Variants in AIM2 observed in about 807,000 individuals in gnomAD.
The protein encoded by AIM2 is interferon-inducible protein AIM2.
Under a neutral mutation model 27.7 loss-of-function variants are expected in AIM2, and 30 were observed. The ratio of observed to expected loss-of-function variants is 1.08; its 90% confidence interval spans 0.81 to 1.47. The LOEUF (loss-of-function observed/expected upper bound fraction) is 1.47. Ranked by LOEUF, AIM2 falls within the 40% of genes most tolerant of loss-of-function variation. The pLI is 0.00. For synonymous variants in AIM2, 141 were observed against 145.3 expected (o/e 0.97, Z 0.21); for missense variants, 358 against 411.3 (o/e 0.87, Z 1.12).
chr1:159,059,201 T>C (rs1234449452), downstream of AIM2, among the ~76,000 whole-genome samples: 1 of 152,326 alleles, frequency 6.6e-6, no homozygotes, highest in African/African-American at 2.4e-5. Context: ...ATAGTAGGCT[T>C]AGATGCCAAT....
chr1:159,085,583 C>A (rs911470771), intron 1 of AIM2, among the ~76,000 whole-genome samples: 2 of 152,228 alleles, frequency 1.3e-5, no homozygotes, highest in South Asian at 2.1e-4. Context: ...GGAGCTTAGA[C>A]GAAAGGTCAG....
chr1:159,060,817 A>G (rs909043052), downstream of AIM2, among the ~76,000 whole-genome samples: 1 of 152,220 alleles, frequency 6.6e-6, no homozygotes, highest in Non-Finnish European at 1.5e-5. Context: ...AGTTTTTTGC[A>G]CTTTTGCATA....
intron 1 of AIM2, among the ~76,000 whole-genome samples, chr1:159,086,379 A>T (rs963747713): frequency 2.0e-5 from 3 of 152,214 alleles, no homozygotes. Context: ...TGTTTGTGAC[A>T]TGAGGCTGCC....
chr1:159,083,441 T>A (rs1468950593), intron 1 of AIM2, among the ~76,000 whole-genome samples: 1 of 152,208 alleles, frequency 6.6e-6, no homozygotes, highest in Admixed American at 6.5e-5. Flanking sequence ...TGGTAAGGTA[T>A]GAGGCAGGGG....
chr1:159,120,225 G>A (rs1647496884), intron 1 of AIM2, among the ~76,000 whole-genome samples: 1 of 152,024 alleles, frequency 6.6e-6, no homozygotes, highest in African/African-American at 2.4e-5. Flanking sequence ...TTAAGTTTAC[G>A]ATTTCCTTGA....
chr1:159,129,107 C>G (rs1046796249), intron 1 of AIM2, among the ~76,000 whole-genome samples: 1 of 152,046 alleles, frequency 6.6e-6, no homozygotes, highest in African/African-American at 2.4e-5. Context: ...TTAGGGCGGG[C>G]CTGGAATCCA....
In AIM2 at chr1:159,068,599, C is replaced by A; in HGVS notation, c.365G>T (p.Arg122Leu). 3 of 1,613,734 alleles carry A rather than the reference C, an allele frequency of 1.9e-6. No homozygotes were observed. The highest frequency in any genetic ancestry group is 2.5e-6 in the Non-Finnish European group (3 of 1,179,820). Residue 122 changes from arginine (R) to leucine (L), a missense_variant, in exon 3 of 6, where the codon CGT becomes CTT. Transcript: ENST00000368130. ...AAIRNDVAKQ[R>L]AAPKVSPHVK... is the part of the protein sequence containing the mutation. Reference sequence around the variant, plus strand: ...ATGAGGAGAGACTTTTGGTGCAGCACGTTGCTTTGCGACATCATTTCTGAT... The same window carrying A: ...ATGAGGAGAGACTTTTGGTGCAGCAAGTTGCTTTGCGACATCATTTCTGAT...
intron 1 of AIM2, among the ~76,000 whole-genome samples, chr1:159,111,870 C>CTATT (rs1158846943): frequency 2.0e-5 from 3 of 149,536 alleles, no homozygotes; most frequent in Non-Finnish European, 4.4e-5. Flanking sequence ...ATCTATCTAT[C>CTATT]TATCTATCTA....
At chr1:159,107,336 G>A (rs549566952) in intron 1 of AIM2, among the ~76,000 whole-genome samples, 26 of 149,406 alleles carry the variant, frequency 1.7e-4, no homozygotes, top group East Asian at 5.8e-4. Flanking sequence ...GTGTGTGCGC[G>A]CACTATAGCA....
chr1:159,073,026 T>C (rs1450916100), intron 2 of AIM2, among the ~76,000 whole-genome samples: 2 of 152,172 alleles, frequency 1.3e-5, no homozygotes, highest in Non-Finnish European at 2.9e-5. Flanking sequence ...GAAGAAGAGA[T>C]GCAAACAAAG....
chr1:159,128,455 A>G (rs1174556407), intron 1 of AIM2, among the ~76,000 whole-genome samples: 1 of 152,204 alleles, frequency 6.6e-6, no homozygotes, highest in African/African-American at 2.4e-5. Flanking sequence ...AGTAATAAAT[A>G]TTCTGTACTT....
chr1:159,061,591 G>C (rs1402008749), downstream of AIM2, among the ~76,000 whole-genome samples: 1 of 129,158 alleles, frequency 7.7e-6, no homozygotes, highest in Non-Finnish European at 1.6e-5. Context: ...TTTTAGTAGA[G>C]ATGGGGTTTC....
At chr1:159,093,893 G>C (rs892682123) in intron 1 of AIM2, among the ~76,000 whole-genome samples, 8 of 115,812 alleles carry the variant, frequency 6.9e-5, no homozygotes, top group Admixed American at 2.3e-4. Context: ...CTACCACCAT[G>C]CCTGGATATT....
chr1:159,055,599 G>C, the AIM2 span, among the ~76,000 whole-genome samples: 1 of 152,160 alleles, frequency 6.6e-6, no homozygotes, highest in Non-Finnish European at 1.5e-5. Context: ...TGCTCTTCAC[G>C]CACTTTCAAA....
At chr1:159,113,179 C>T (rs1415104541) in intron 1 of AIM2, among the ~76,000 whole-genome samples, 1 of 152,128 alleles carries the variant, frequency 6.6e-6, no homozygotes, top group Non-Finnish European at 1.5e-5. Context: ...CTCTTTACCT[C>T]ATGATCCACC....
downstream of AIM2, among the ~76,000 whole-genome samples, chr1:159,059,855 T>C (rs772020885): frequency 7.2e-5 from 11 of 152,238 alleles, no homozygotes; most frequent in Non-Finnish European, 1.5e-4. Context: ...CTTCATCCTC[T>C]AATGCCTTGA....
intron 1 of AIM2, among the ~76,000 whole-genome samples, chr1:159,107,515 G>A (rs924799205): frequency 1.3e-5 from 2 of 152,022 alleles, no homozygotes; most frequent in African/African-American, 2.4e-5. Context: ...TGGGAAGAAT[G>A]TTACAGAAAG....
intron 1 of AIM2, among the ~76,000 whole-genome samples, chr1:159,090,230 G>C (rs1012977438): frequency 1.4e-4 from 22 of 152,260 alleles, no homozygotes; most frequent in Non-Finnish European, 2.5e-4. Context: ...ACTTCTTGCA[G>C]GCAAATCTAA....
intron 1 of AIM2, among the ~76,000 whole-genome samples, chr1:159,121,056 A>G (rs1647523281): frequency 6.6e-6 from 1 of 152,176 alleles, no homozygotes; most frequent in African/African-American, 2.4e-5. Flanking sequence ...CCTCCTAAAG[A>G]CTGTAAGTGG....
Sources: gnomAD v4.1 joint callset for allele counts (sites outside exome capture counted in the v4.1 genomes callset) on GRCh38, gnomAD v4.1.1 for gene constraint, MANE v1.5 for transcripts, NCBI Gene and HGNC (gene_info 2026-07-23, HGNC 2026-07-21) for gene names.